UBA2: variants seen among roughly 807,000 people sequenced by gnomAD.
UBA2 encodes SUMO-activating enzyme subunit 2.
UBA2 carries 11 observed loss-of-function variants against 77.2 expected under a neutral mutation model. That is an observed-to-expected ratio of 0.14 (90% CI 0.09 to 0.24). The LOEUF (loss-of-function observed/expected upper bound fraction) is 0.24. UBA2 is among the 10% of genes least tolerant of loss of function. The pLI, the probability that UBA2 is intolerant of heterozygous loss-of-function variation, is 1.00. For missense variants in UBA2, 487 were observed against 781.7 expected, an observed-to-expected ratio of 0.62 and a Z score of 4.50; for synonymous variants, 278 against 276.7, an observed-to-expected ratio of 1.00 and a Z score of -0.05.
chr19:34,453,409 C>G (rs1472209548), intron 10 of UBA2, among the ~76,000 whole-genome samples: 1 of 151,840 alleles, frequency 6.6e-6, no homozygotes, highest in South Asian at 2.1e-4. Flanking sequence ...ATTGTATTGC[C>G]TTATTTGAAG....
At chr19:34,468,896 A>T in intron 16 of UBA2, 144 bp from the exon 17 acceptor site, 1 of 594,926 alleles carries the variant, frequency 1.7e-6, no homozygotes, top group Non-Finnish European at 2.7e-6. Flanking sequence ...GTATGGAAAT[A>T]CGTAATGTGT....
intron 13 of UBA2, among the ~76,000 whole-genome samples, chr19:34,459,292 T>C (rs1234855570): frequency 6.6e-6 from 1 of 152,210 alleles, no homozygotes; most frequent in Non-Finnish European, 1.5e-5. Flanking sequence ...GATAAGTATT[T>C]GCATGCAGTG....
At chr19:34,444,000 C>A in intron 7 of UBA2, 89 bp downstream of exon 7, 1 of 644,654 alleles carries the variant, frequency 1.6e-6, no homozygotes, top group Non-Finnish European at 2.7e-6. Context: ...AAAAAAATTG[C>A]TATATGTGCT....
chr19:34,430,559 G>A lies in UBA2; in HGVS notation c.139-17G>A. On this transcript the variant is annotated splice_polypyrimidine_tract_variant and intron_variant, in intron 1 of 16. Coordinates refer to ENST00000246548, the MANE Select transcript of UBA2 (RefSeq NM_005499.3). ...ACGTAAACGTTTGTCATTTATCTGG[G>A]GTTTATGCATTTGTAGATTGATCTG... The A allele has an allele frequency of 6.3e-7, 1 of 1,595,822 alleles. No homozygotes were observed. Among genetic ancestry groups the A allele is most frequent in the Non-Finnish European group, 8.6e-7 (1 of 1,164,952 alleles).
intron 1 of UBA2, 45 bp from the exon 2 acceptor site, chr19:34,430,531 C>T (rs2075241870): frequency 6.8e-7 from 1 of 1,463,382 alleles, no homozygotes; most frequent in Non-Finnish European, 9.6e-7. Flanking sequence ...ACAGCTCAAA[C>T]ATACGTAAAC....
At chr19:34,447,883 A>T (rs2075448965) in intron 8 of UBA2, among the ~76,000 whole-genome samples, 1 of 152,232 alleles carries the variant, frequency 6.6e-6, no homozygotes, top group Non-Finnish European at 1.5e-5. Flanking sequence ...TGAAAGAATA[A>T]GAGTCAGAAT....
intron 1 of UBA2, among the ~76,000 whole-genome samples, 155 bp downstream of exon 1, chr19:34,428,725 C>A (rs1349050917): frequency 1.3e-5 from 2 of 152,016 alleles, no homozygotes; most frequent in African/African-American, 2.4e-5. Context: ...GTTGTGCCCC[C>A]CCCGCGGGAG....
intron 15 of UBA2, among the ~76,000 whole-genome samples, chr19:34,464,777 C>G (rs1051902304): frequency 1.3e-5 from 2 of 152,112 alleles, no homozygotes; most frequent in Non-Finnish European, 2.9e-5. Context: ...CAAATCATTT[C>G]GTTTGTGATT....
intron 12 of UBA2, among the ~76,000 whole-genome samples, chr19:34,455,940 G>A (rs193032000): frequency 4.7e-5 from 7 of 149,930 alleles, no homozygotes; most frequent in East Asian, 2.0e-4. Context: ...GAGCCACTGC[G>A]CCCGGCCTTT....
At chr19:34,440,052 G>A (rs1178058441) in intron 6 of UBA2, among the ~76,000 whole-genome samples, 2 of 152,080 alleles carry the variant, frequency 1.3e-5, no homozygotes, top group East Asian at 1.9e-4. Context: ...TGCCCAGTGC[G>A]GTGGCTCAGG....
rs145343604 is a variant in UBA2 at position 34,468,071 on chromosome 19, G to C, written c.1742-969G>C. The stretch of plus-strand genomic sequence containing the variant: ...TTTCCCCTGGATTTTCAGTGCTGGT[G>C]CTTGGTATTTTTCCAAATAACTGAT... On this transcript the variant is annotated intron_variant, in intron 16 of 16. Transcript: ENST00000246548. 1.5e-3 allele frequency among the ~76,000 whole-genome samples: 221 copies of C among 152,282 alleles called. 5 individuals are homozygous for C. Among genetic ancestry groups the C allele is most frequent in the African/African-American group, 5.0e-3 (207 of 41,558 alleles).
chr19:34,454,374 T>C, intron 11 of UBA2, 21 bp downstream of exon 11: 1 of 1,599,104 alleles, frequency 6.3e-7, no homozygotes, highest in Non-Finnish European at 8.5e-7. Context: ...TGTACTAAAG[T>C]TGTATCACTA....
Position 34,433,366 on chromosome 19 carries a change from A to G in UBA2, c.312A>G (p.Glu104=). ...TTTGTAGCCCTGACTATAATGTGGA[A>G]TTTTTCCGACAGTTTATACTGGTTA... ...DSIMNPDYNV[E]FFRQFILVMN... Residue 104 remains glutamate (E), a synonymous_variant, in exon 4 of 17, where the codon GAA becomes GAG. Coordinates refer to ENST00000246548, the MANE Select transcript of UBA2 (RefSeq NM_005499.3). The G allele has an allele frequency of 6.2e-7, 1 of 1,612,082 alleles. No individual in the cohort carries two copies. Among genetic ancestry groups the G allele is most frequent in the Non-Finnish European group, 8.5e-7 (1 of 1,178,910 alleles).
Position 34,458,940 on chromosome 19 carries a change from G to A in UBA2, c.1401+16G>A, listed in dbSNP as rs762868890. The A allele has an allele frequency of 5.6e-6, 9 of 1,603,794 alleles. No homozygotes were observed. In the East Asian group the frequency reaches 1.6e-4, roughly 28 times the overall value. On this transcript the variant is annotated intron_variant, in intron 13 of 16. Transcript: ENST00000246548. ...ACAAGACAAGGTCAGTGCAAGGCCT[G>A]GGTCTCTTTTCCTTTTGCTTTTACA...
chr19:34,435,424 C>T lies in UBA2; in HGVS notation c.459+456C>T, dbSNP rs558818388. On this transcript the variant is annotated intron_variant, in intron 5 of 16. Coordinates refer to ENST00000246548, the MANE Select transcript of UBA2 (RefSeq NM_005499.3). ...AAAAACAAACTTAAAATGCTATAAA[C>T]GTGCTCAAAAGACTATGGGCAAGGA... Among the ~76,000 whole-genome samples, 9 of 152,222 alleles carry T rather than the reference C, an allele frequency of 5.9e-5. No individual in the cohort carries two copies. The South Asian group carries it at 1.2e-3, about 21-fold the overall frequency.
At chr19:34,462,535 G>A (rs887659067) in intron 14 of UBA2, among the ~76,000 whole-genome samples, 1 of 152,122 alleles carries the variant, frequency 6.6e-6, no homozygotes, top group Non-Finnish European at 1.5e-5. Context: ...AACAGATCTG[G>A]AAAAGAACTA....
rs760888384 is a variant in UBA2 at position 34,460,561 on chromosome 19, C to T, written c.1493C>T (p.Thr498Met). The T allele has an allele frequency of 6.9e-6, 11 of 1,602,168 alleles. No homozygotes were observed. Among genetic ancestry groups the T allele is most frequent in the South Asian group, 3.4e-5 (3 of 88,972 alleles). ...TILISSEEGE[T>M]EANNHKKLSE... ...CTAATATCTTCCGAAGAGGGAGAGACGGAAGGTATCATACATTGTATTTAT... is the reference window on the plus strand; with the variant it reads ...CTAATATCTTCCGAAGAGGGAGAGATGGAAGGTATCATACATTGTATTTAT... Residue 498 changes from threonine to methionine, a missense_variant, in exon 14 of 17, where the codon ACG becomes ATG. Physicochemically the swap from Thr to Met is moderately conservative, Grantham distance 81 (BLOSUM62 -1). Coordinates refer to ENST00000246548, the MANE Select transcript of UBA2 (RefSeq NM_005499.3).
intron 6 of UBA2, among the ~76,000 whole-genome samples, chr19:34,443,053 C>T (rs930989175): frequency 2.0e-5 from 3 of 152,184 alleles, no homozygotes; most frequent in Admixed American, 6.5e-5. Flanking sequence ...CAGCTTAATA[C>T]TTTCAAATTG....
At chr19:34,440,956 A>T in intron 6 of UBA2, among the ~76,000 whole-genome samples, 1 of 151,260 alleles carries the variant, frequency 6.6e-6, no homozygotes, top group East Asian at 1.9e-4. Context: ...TACCATATGG[A>T]TCTAGAATCA....
Sources: allele counts gnomAD v4.1 joint callset (sites outside exome capture counted in the v4.1 genomes callset), GRCh38; gene constraint gnomAD v4.1.1; transcripts MANE v1.5; gene names NCBI Gene and HGNC (gene_info 2026-07-23, HGNC 2026-07-21).